SRGAP3: variants seen among roughly 807,000 people sequenced by gnomAD.
The protein encoded by SRGAP3 is SLIT-ROBO Rho GTPase-activating protein 3.
SRGAP3 carries 39 observed loss-of-function variants against 121.1 expected under a neutral mutation model. That is an observed-to-expected ratio of 0.32 (90% CI 0.25 to 0.42). SRGAP3 has a LOEUF of 0.42. SRGAP3 is among the 10% of genes least tolerant of loss of function. The pLI, the probability that SRGAP3 is intolerant of heterozygous loss-of-function variation, is 1.00. For synonymous variants in SRGAP3, 601 were observed against 570.0 expected (o/e 1.05, Z -0.77); for missense variants, 1,213 against 1,470.6 (o/e 0.82, Z 2.86).
intron 1 of SRGAP3, among the ~76,000 whole-genome samples, chr3:9,195,779 G>C (rs971382508): frequency 4.6e-5 from 7 of 151,868 alleles, no homozygotes; most frequent in Non-Finnish European, 8.8e-5. Flanking sequence ...AACACAGCAA[G>C]ACGCCATCTC....
intron 3 of SRGAP3, among the ~76,000 whole-genome samples, chr3:9,262,604 A>C (rs1455332560): frequency 2.0e-5 from 3 of 151,354 alleles, no homozygotes; most frequent in African/African-American, 7.3e-5. Flanking sequence ...TCAAACCAAC[A>C]AATATCAAAA....
upstream of SRGAP3, among the ~76,000 whole-genome samples, chr3:9,251,397 T>G (rs907867043): frequency 1.8e-4 from 27 of 152,314 alleles, no homozygotes; most frequent in South Asian, 1.0e-3. Flanking sequence ...TGTCCTCTTC[T>G]AACTAGTTCA....
In SRGAP3 at chr3:9,080,108, T is replaced by C. The variant is rs756440301; in HGVS notation, c.424-21A>G. Reference sequence around the variant, plus strand: ...TTGCTCTGGAATGTGGAAGAACAAATGTCAGCGGGGGAGAAGTTTGCTGGC... The same window carrying C: ...TTGCTCTGGAATGTGGAAGAACAAACGTCAGCGGGGGAGAAGTTTGCTGGC... On this transcript the variant is annotated intron_variant, in intron 3 of 21. Transcript: ENST00000383836. 2.5e-6 allele frequency: 4 copies of C among 1,614,054 alleles called. No homozygotes were observed. In the Admixed American group the frequency reaches 5.0e-5, roughly 20 times the overall value.
At chr3:9,091,507 G>A (rs1428236120) in intron 3 of SRGAP3, among the ~76,000 whole-genome samples, 3 of 152,170 alleles carry the variant, frequency 2.0e-5, no homozygotes, top group South Asian at 2.1e-4. Context: ...ACCCACAGAT[G>A]TTCCCTATTT....
At chr3:9,123,356 T>C (rs1949086505) in intron 2 of SRGAP3, among the ~76,000 whole-genome samples, 1 of 150,878 alleles carries the variant, frequency 6.6e-6, no homozygotes, top group African/African-American at 2.5e-5. Context: ...TTATGTGTGC[T>C]TTGTCACAAT....
At chr3:9,051,021 T>C (rs80054893) in intron 9 of SRGAP3, among the ~76,000 whole-genome samples, 1,097 of 51,576 alleles carry the variant, frequency 0.021, 19 homozygotes, top group African/African-American at 0.079. Context: ...TCATTGCTTT[T>C]TTTTTTTTTT....
intron 14 of SRGAP3, among the ~76,000 whole-genome samples, chr3:9,016,142 A>G (rs1943626854): frequency 6.6e-6 from 1 of 152,228 alleles, no homozygotes; most frequent in African/African-American, 2.4e-5. Context: ...CAACATTATT[A>G]CACCTAAGAA....
intron 12 of SRGAP3, among the ~76,000 whole-genome samples, chr3:9,032,283 TA>T (rs1185413873): frequency 6.6e-6 from 1 of 152,190 alleles, no homozygotes; most frequent in Non-Finnish European, 1.5e-5. Context: ...TTGGGAGATG[TA>T]GGTGTGAAGT....
chr3:9,152,855 G>GA (rs1950259579), intron 1 of SRGAP3, among the ~76,000 whole-genome samples: 1 of 53,440 alleles, frequency 1.9e-5, no homozygotes, highest in Admixed American at 1.8e-4. Flanking sequence ...TGATCAACAT[G>GA]AGGGTATAAC....
intron 2 of SRGAP3, among the ~76,000 whole-genome samples, chr3:9,114,327 C>T (rs1948731006): frequency 6.6e-6 from 1 of 152,144 alleles, no homozygotes; most frequent in African/African-American, 2.4e-5. Context: ...TTGTCATTAC[C>T]ATTATTACCA....
At chr3:9,159,116 G>C (rs572654529) in intron 1 of SRGAP3, among the ~76,000 whole-genome samples, 1 of 151,974 alleles carries the variant, frequency 6.6e-6, no homozygotes, top group East Asian at 1.9e-4. Flanking sequence ...TGGGGTCCTC[G>C]GGCCATCACT....
At position 9,109,243 on chromosome 3, in the gene SRGAP3, AG is replaced by A. The variant is rs1438564387; in HGVS notation, c.261-4402del. Among the ~76,000 whole-genome samples the A allele has an allele frequency of 3.9e-5, 6 of 152,190 alleles. No individual in the cohort carries two copies. Among genetic ancestry groups the A allele is most frequent in the Admixed American group, 6.5e-5 (1 of 15,282 alleles). Reference sequence around the variant, plus strand: ...GCCACAGCCAGAAGGTGAGTTTCAGAGGGAAGGAAAAAGACAACTGATCTGG... The same window carrying A: ...GCCACAGCCAGAAGGTGAGTTTCAGAGGAAGGAAAAAGACAACTGATCTGG... On this transcript the variant is annotated intron_variant, in intron 2 of 21. Coordinates refer to ENST00000383836, the MANE Select transcript of SRGAP3 (RefSeq NM_014850.4). The surrounding 1 kb of genome is among the most constrained non-coding windows in gnomAD (Gnocchi z 4.4).
At chr3:9,325,228 T>C (rs1335003694) in intron 3 of SRGAP3, among the ~76,000 whole-genome samples, 1 of 151,864 alleles carries the variant, frequency 6.6e-6, no homozygotes, top group African/African-American at 2.4e-5. Flanking sequence ...GCTATTGTTA[T>C]GACTATCGGG....
intron 1 of SRGAP3, among the ~76,000 whole-genome samples, chr3:9,208,070 T>G (rs1310610063): frequency 6.6e-6 from 1 of 152,056 alleles, no homozygotes; most frequent in East Asian, 1.9e-4. Flanking sequence ...GTCCTTTGAG[T>G]GCAGGGCCCG....
At position 9,060,258 on chromosome 3, in the gene SRGAP3, G is replaced by A; in HGVS notation, c.774C>T (p.Tyr258=). ...AATNAAISKY[Y]IHDVSDLIDC... The stretch of plus-strand genomic sequence containing the variant: ...CGATCAGATCAGAGACATCATGGAT[G>A]TAGTATTTGCTTATAGCTGCGTTGG... The change falls in exon 6 of 22, where the codon TAC becomes TAT. Residue 258 remains tyrosine, a synonymous_variant. Transcript: ENST00000383836. 4 of 1,614,176 alleles carry A rather than the reference G, an allele frequency of 2.5e-6. No individual in the cohort carries two copies. Among genetic ancestry groups the A allele is most frequent in the Non-Finnish European group, 3.4e-6 (4 of 1,180,020 alleles).
At chr3:9,020,713 C>G (rs1332783819) in intron 14 of SRGAP3, among the ~76,000 whole-genome samples, 1 of 152,154 alleles carries the variant, frequency 6.6e-6, no homozygotes, top group Non-Finnish European at 1.5e-5. Context: ...GCCTTTGGCT[C>G]TCTGCAAGCT....
At chr3:9,000,467 C>T (rs1402796415) in intron 18 of SRGAP3, among the ~76,000 whole-genome samples, 1 of 152,198 alleles carries the variant, frequency 6.6e-6, no homozygotes, top group Non-Finnish European at 1.5e-5. Context: ...GAGATTTTCC[C>T]ATGGGGGAGA....
At chr3:9,359,680 G>A (rs1177530464) in intron 1 of SRGAP3, among the ~76,000 whole-genome samples, 1 of 152,210 alleles carries the variant, frequency 6.6e-6, no homozygotes, top group Non-Finnish European at 1.5e-5. Context: ...GCAGGTGAAA[G>A]GAGGGCAAGA....
chr3:9,247,021 C>T (rs568114244), intron 1 of SRGAP3, among the ~76,000 whole-genome samples: 7 of 152,222 alleles, frequency 4.6e-5, no homozygotes, highest in Admixed American at 4.6e-4. Context: ...GTTCACTGGC[C>T]CAGTAGTAGC....
Sources: allele counts gnomAD v4.1 joint callset (sites outside exome capture counted in the v4.1 genomes callset), GRCh38; gene constraint gnomAD v4.1.1; non-coding constraint Gnocchi (gnomAD v3.1); transcripts MANE v1.5; gene names NCBI Gene and HGNC (gene_info 2026-07-23, HGNC 2026-07-21).